Variants in MTUS2 observed in about 807,000 individuals in gnomAD.
MTUS2 encodes microtubule-associated tumor suppressor candidate 2.
Under a neutral mutation model 114.1 loss-of-function variants are expected in MTUS2, and 40 were observed. That is an observed-to-expected ratio of 0.35 (90% CI 0.27 to 0.46). The LOEUF is 0.46. Ranked by LOEUF, MTUS2 falls within the 20% of genes least tolerant of loss-of-function variation. The probability of loss-of-function intolerance (pLI) is 1.00; values close to 1 mark genes in which losing one functional copy is unlikely to be tolerated. For missense variants in MTUS2, 1,679 were observed against 1,705.4 expected (o/e 0.98, Z 0.27); for synonymous variants, 688 against 672.0 (o/e 1.02, Z -0.37).
At chr13:29,445,236 G>T (rs1483630716) in intron 9 of MTUS2, among the ~76,000 whole-genome samples, 1 of 152,134 alleles carries the variant, frequency 6.6e-6, no homozygotes, top group Non-Finnish European at 1.5e-5. Flanking sequence ...CTGATGCCCG[G>T]GGTGTGGAGG....
intron 4 of MTUS2, among the ~76,000 whole-genome samples, chr13:29,093,336 G>A (rs1005183037): frequency 2.5e-4 from 38 of 152,006 alleles, no homozygotes; most frequent in Admixed American, 2.4e-3. Flanking sequence ...CCAGCTATTC[G>A]AGAGGCTGAG....
At chr13:29,102,145 A>G (rs1221408741) in intron 5 of MTUS2, among the ~76,000 whole-genome samples, 1 of 152,212 alleles carries the variant, frequency 6.6e-6, no homozygotes, top group African/African-American at 2.4e-5. Context: ...TGAAACATGA[A>G]TGTAATAAAG....
At chr13:29,481,881 T>A (rs1881211171) in intron 10 of MTUS2, among the ~76,000 whole-genome samples, 1 of 152,176 alleles carries the variant, frequency 6.6e-6, no homozygotes. Flanking sequence ...CAGCTGAAGT[T>A]ACCTGTTGGT....
chr13:28,924,893 T>G (rs1426159899), intron 2 of MTUS2, among the ~76,000 whole-genome samples: 1 of 151,968 alleles, frequency 6.6e-6, no homozygotes, highest in Admixed American at 6.6e-5. Flanking sequence ...AGATGGCGGT[T>G]TTTCCTTTGG....
chr13:28,842,770 A>G (rs1389335755), intron 2 of MTUS2, among the ~76,000 whole-genome samples: 1 of 152,210 alleles, frequency 6.6e-6, no homozygotes, highest in Non-Finnish European at 1.5e-5. Context: ...TAGATTAGGT[A>G]TAGAGCACCA....
chr13:29,467,645 A>T (rs531209183), intron 9 of MTUS2, among the ~76,000 whole-genome samples: 13 of 152,260 alleles, frequency 8.5e-5, no homozygotes, highest in Admixed American at 2.6e-4. Flanking sequence ...TTCTTTGCAA[A>T]AACTCATAAT....
chr13:29,324,392 C>G (rs910662350), intron 6 of MTUS2, among the ~76,000 whole-genome samples: 13 of 152,148 alleles, frequency 8.5e-5, no homozygotes, highest in African/African-American at 2.4e-4. Flanking sequence ...CAGCAGTGTC[C>G]TTACTTCTCC....
chr13:28,906,947 T>C (rs2137988809), intron 2 of MTUS2, among the ~76,000 whole-genome samples: 1 of 151,396 alleles, frequency 6.6e-6, no homozygotes, highest in Non-Finnish European at 1.5e-5. Flanking sequence ...AGACACATAA[T>C]TGTCAGATTC....
At chr13:29,365,709 A>C (rs1870653341) in intron 8 of MTUS2, among the ~76,000 whole-genome samples, 2 of 152,180 alleles carry the variant, frequency 1.3e-5, no homozygotes, top group Non-Finnish European at 2.9e-5. Flanking sequence ...AATTCAGCAT[A>C]GCCTTCCTGT....
intron 5 of MTUS2, among the ~76,000 whole-genome samples, chr13:29,268,771 C>T (rs535214057): frequency 6.6e-6 from 1 of 152,210 alleles, no homozygotes; most frequent in East Asian, 1.9e-4. Context: ...GTCCAGGATC[C>T]CAGGCAACAG....
At chr13:29,455,951 A>T (rs973875810) in intron 9 of MTUS2, among the ~76,000 whole-genome samples, 1 of 152,220 alleles carries the variant, frequency 6.6e-6, no homozygotes, top group Non-Finnish European at 1.5e-5. Flanking sequence ...ACTGCACTCC[A>T]GTCTGGGCAA....
intron 5 of MTUS2, among the ~76,000 whole-genome samples, chr13:29,209,747 A>C (rs966494541): frequency 6.6e-5 from 10 of 152,028 alleles, no homozygotes; most frequent in African/African-American, 2.4e-4. Flanking sequence ...AACAAGGCTA[A>C]AGGTAGGACC....
intron 2 of MTUS2, among the ~76,000 whole-genome samples, chr13:28,941,339 G>A (rs1208775838): frequency 3.9e-5 from 6 of 152,006 alleles, no homozygotes; most frequent in Admixed American, 2.0e-4. Flanking sequence ...ACACTGTAAT[G>A]TATATGGATA....
intron 2 of MTUS2, among the ~76,000 whole-genome samples, chr13:28,973,143 A>G (rs980371185): frequency 6.6e-6 from 1 of 152,168 alleles, no homozygotes; most frequent in African/African-American, 2.4e-5. Flanking sequence ...CTGTAAATTT[A>G]TTAGCCTGCT....
intron 14 of MTUS2, among the ~76,000 whole-genome samples, chr13:29,500,831 A>T (rs950467328): frequency 2.8e-5 from 4 of 144,686 alleles, no homozygotes; most frequent in African/African-American, 5.2e-5. Context: ...ACACACACAC[A>T]CACATTGATA....
intron 2 of MTUS2, among the ~76,000 whole-genome samples, chr13:28,950,802 ATAT>A (rs374159870): frequency 1.3e-5 from 2 of 152,226 alleles, no homozygotes; most frequent in African/African-American, 4.8e-5. Flanking sequence ...AAAGTTTGAA[ATAT>A]TGTGAGAATT....
rs146825511 is a variant in MTUS2, at chr13:29,262,093, G to A, written c.2645-19611G>A. Among the ~76,000 whole-genome samples, 309 of 152,346 alleles carry A rather than the reference G, an allele frequency of 2.0e-3. 2 individuals carry two copies. The highest frequency in any genetic ancestry group is 7.1e-3 in the African/African-American group (294 of 41,580). On this transcript the variant is annotated intron_variant, in intron 5 of 15. Transcript: ENST00000612955. ...CCATTTATGTGCCAGAAGTTCAGAA[G>A]TCCTGGGCTGGCTGATGCTGGCTTT...
At chr13:29,234,425 A>G (rs1047377371) in intron 5 of MTUS2, among the ~76,000 whole-genome samples, 1 of 152,226 alleles carries the variant, frequency 6.6e-6, no homozygotes, top group Non-Finnish European at 1.5e-5. Context: ...CCAACAGGTC[A>G]TTCTTTACTG....
At chr13:29,252,097 G>T (rs992115510) in intron 5 of MTUS2, among the ~76,000 whole-genome samples, 1 of 152,266 alleles carries the variant, frequency 6.6e-6, no homozygotes, top group Admixed American at 6.5e-5. Context: ...AAATAAAACT[G>T]ATTTGCCTTC....
Sources: allele counts gnomAD v4.1 joint callset (sites outside exome capture counted in the v4.1 genomes callset), GRCh38; gene constraint gnomAD v4.1.1; transcripts MANE v1.5; gene names NCBI Gene and HGNC (gene_info 2026-07-23, HGNC 2026-07-21).